Variants in ARHGAP32 observed in about 807,000 individuals in gnomAD.
The protein encoded by ARHGAP32 is Rho GTPase activating protein 32.
In ARHGAP32, 51 loss-of-function variants were observed where a neutral mutation model predicts 186.5. The observed-to-expected ratio is 0.27, with a 90% CI of 0.22 to 0.35. The LOEUF (loss-of-function observed/expected upper bound fraction) is 0.35. ARHGAP32 is among the 10% of genes least tolerant of loss of function. The probability of loss-of-function intolerance (pLI) is 1.00; values close to 1 mark genes in which losing one functional copy is unlikely to be tolerated. For synonymous variants in ARHGAP32, 950 were observed against 964.3 expected, an observed-to-expected ratio of 0.99 and a Z score of 0.27; for missense variants, 2,186 against 2,623.5, an observed-to-expected ratio of 0.83 and a Z score of 3.64.
At chr11:129,064,133 A>G in intron 8 of ARHGAP32, 109 bp from the exon 9 acceptor site, 1 of 866,400 alleles carries the variant, frequency 1.2e-6, no homozygotes, top group East Asian at 3.3e-5. Flanking sequence ...TAACCCAAAG[A>G]GTCTTAAAAA....
chr11:129,222,163 G>A (rs1944720493), intron 1 of ARHGAP32, among the ~76,000 whole-genome samples: 1 of 152,096 alleles, frequency 6.6e-6, no homozygotes. Flanking sequence ...GGTCTCTTTT[G>A]CTACTCTAAA....
chr11:129,100,621 G>A (rs1033135157), intron 5 of ARHGAP32, among the ~76,000 whole-genome samples: 3 of 152,142 alleles, frequency 2.0e-5, no homozygotes, highest in East Asian at 1.9e-4. Context: ...CACCACTGTA[G>A]ACGGAGCCTT....
intron 1 of ARHGAP32, among the ~76,000 whole-genome samples, chr11:129,219,700 A>T (rs909091713): frequency 6.6e-6 from 1 of 152,200 alleles, no homozygotes; most frequent in Non-Finnish European, 1.5e-5. Context: ...CATACTATGC[A>T]TAAAGATAAG....
intron 1 of ARHGAP32, among the ~76,000 whole-genome samples, chr11:129,181,514 A>G (rs1024393217): frequency 4.6e-5 from 7 of 152,276 alleles, no homozygotes; most frequent in Admixed American, 4.6e-4. Flanking sequence ...AAATTTTCCT[A>G]CTTTTCAAAG....
chr11:129,061,228 G>A (rs1283838258), intron 10 of ARHGAP32, among the ~76,000 whole-genome samples: 1 of 152,110 alleles, frequency 6.6e-6, no homozygotes, highest in African/African-American at 2.4e-5. Context: ...AAAAACCACA[G>A]GCTATATGTT....
chr11:128,997,222 G>T (rs1406947956), intron 12 of ARHGAP32, among the ~76,000 whole-genome samples: 6 of 151,874 alleles, frequency 4.0e-5, no homozygotes, highest in East Asian at 1.9e-4. Context: ...ATCCTCAGGG[G>T]TTTTTTTTGT....
chr11:129,145,029 C>G (rs1037049038), intron 2 of ARHGAP32, among the ~76,000 whole-genome samples: 3 of 152,140 alleles, frequency 2.0e-5, no homozygotes, highest in African/African-American at 7.2e-5. Flanking sequence ...TTATACTTTT[C>G]TATAACTGAG....
At position 129,236,502 on chromosome 11, in the gene ARHGAP32, G is replaced by A. The variant is rs570262564; in HGVS notation, c.-5+42644C>T. On this transcript the variant is annotated intron_variant, in intron 1 of 6. Transcript: ENST00000525234. ...GTCTGATGTACAGATTGTGAAGACA[G>A]TCTCCCATTCTGTAGGTTGTCTGTT... Among the ~76,000 whole-genome samples the A allele has an allele frequency of 5.9e-5, 9 of 152,256 alleles. No individual in the cohort carries two copies. In the South Asian group the frequency reaches 1.9e-3, roughly 32 times the overall value.
chr11:129,273,300 G>A (rs1945493540), intron 1 of ARHGAP32, among the ~76,000 whole-genome samples: 1 of 152,184 alleles, frequency 6.6e-6, no homozygotes, highest in South Asian at 2.1e-4. Context: ...GTACTCAGTG[G>A]ATACTTGTCA....
intron 1 of ARHGAP32, among the ~76,000 whole-genome samples, chr11:129,261,548 T>G (rs2135710458): frequency 6.6e-6 from 1 of 152,322 alleles, no homozygotes; most frequent in East Asian, 1.9e-4. Context: ...GTTGTCTATG[T>G]GTGCAAGCCT....
At chr11:129,183,501 T>G (rs1473579524) in intron 1 of ARHGAP32, among the ~76,000 whole-genome samples, 6 of 152,196 alleles carry the variant, frequency 3.9e-5, no homozygotes, top group Admixed American at 2.6e-4. Context: ...ATGTTTTACA[T>G]TTTTATCATG....
chr11:129,058,211 ACACACACACACT>A (rs1446615858), intron 10 of ARHGAP32, among the ~76,000 whole-genome samples: 7 of 123,958 alleles, frequency 5.6e-5, no homozygotes, highest in East Asian at 2.4e-4. Flanking sequence ...ACACACACAC[ACACACACACACT>A]CTCTCTCTCT....
intron 11 of ARHGAP32, among the ~76,000 whole-genome samples, chr11:129,004,399 A>G (rs1366809126): frequency 1.3e-5 from 2 of 151,936 alleles, no homozygotes; most frequent in Non-Finnish European, 2.9e-5. Context: ...TATTTAGTCT[A>G]TAGTGCAGAT....
intron 5 of ARHGAP32, among the ~76,000 whole-genome samples, chr11:129,109,314 G>C (rs1197388586): frequency 6.6e-6 from 1 of 152,004 alleles, no homozygotes; most frequent in African/African-American, 2.4e-5. Flanking sequence ...GGAGAGACAT[G>C]TGGGTTGATT....
chr11:129,262,257 T>C (rs1945330805), intron 1 of ARHGAP32, among the ~76,000 whole-genome samples: 1 of 152,198 alleles, frequency 6.6e-6, no homozygotes, highest in Admixed American at 6.5e-5. Flanking sequence ...ATAAATGGCA[T>C]AAAGGAAGCC....
At chr11:129,169,757 T>C (rs1442903592) in intron 1 of ARHGAP32, among the ~76,000 whole-genome samples, 1 of 148,550 alleles carries the variant, frequency 6.7e-6, no homozygotes, top group Non-Finnish European at 1.5e-5. Flanking sequence ...CCTGAAACAA[T>C]AAACAAAAAG....
chr11:129,051,491 T>G (rs190480428), intron 10 of ARHGAP32, among the ~76,000 whole-genome samples: 46 of 152,350 alleles, frequency 3.0e-4, no homozygotes, highest in African/African-American at 9.6e-4. Context: ...GATGGGTTTG[T>G]TTTCTTGTAA....
chr11:129,169,899 T>C (rs1943722337), intron 1 of ARHGAP32, among the ~76,000 whole-genome samples: 1 of 151,882 alleles, frequency 6.6e-6, no homozygotes, highest in Admixed American at 6.6e-5. Context: ...TTCCAAAGTA[T>C]AAAAATAAAA....
At chr11:129,117,481 T>C (rs1380139039) in intron 5 of ARHGAP32, among the ~76,000 whole-genome samples, 1 of 152,046 alleles carries the variant, frequency 6.6e-6, no homozygotes, top group Admixed American at 6.6e-5. Context: ...GGTCAAACTT[T>C]ACTACTTCTT....
Sources: gnomAD v4.1 joint callset for allele counts (sites outside exome capture counted in the v4.1 genomes callset) on GRCh38, gnomAD v4.1.1 for gene constraint, MANE v1.5 for transcripts, NCBI Gene and HGNC (gene_info 2026-07-23, HGNC 2026-07-21) for gene names.